The following NDP variants were observed in gnomAD, a reference collection of about 807,000 sequenced individuals.
NDP encodes the protein norrin cystine knot growth factor NDP.
NDP carries 2 observed loss-of-function variants against 8.4 expected under a neutral mutation model. That is an observed-to-expected ratio of 0.24 (90% CI 0.10 to 0.75). The LOEUF is 0.75. Among genes scored for constraint, NDP ranks in the 30% least tolerant of loss-of-function variants. The pLI is 0.73. For synonymous variants in NDP, 55 were observed against 45.6 expected (o/e 1.21, Z -0.83); for missense variants, 81 against 110.1 (o/e 0.74, Z 1.18).
Position 43,958,667 on chromosome X carries a change from TAGA to T in NDP, c.-25_-23del. 1 of 1,198,966 alleles carries T rather than the reference TAGA, an allele frequency of 8.3e-7. No homozygotes were observed. The highest frequency in any genetic ancestry group is 1.1e-6 in the Non-Finnish European group (1 of 884,137). ...TCATTGTTGTAAGGAAAAACTTCTC[TAGA>T]AGAACAGCAGAGGGAGGCAGAGGAC... On this transcript the variant is annotated 5_prime_UTR_variant, in exon 2 of 3. Transcript: ENST00000642620.
chrX:43,961,847 C>T (rs1023763482), intron 1 of NDP, among the ~76,000 whole-genome samples: 1 of 111,617 alleles, frequency 9.0e-6, no homozygotes, highest in Non-Finnish European at 1.9e-5. Flanking sequence ...AGGGCGACCA[C>T]ATAGTTCTTG....
At chrX:43,958,350 G>T in intron 2 of NDP, 122 bp downstream of exon 2, 3 of 871,603 alleles carry the variant, frequency 3.4e-6, no homozygotes, top group Admixed American at 2.3e-5. Context: ...CACAAGCCCT[G>T]TGGGCCAGCC....
At chrX:43,967,066 A>T (rs994649211) in intron 1 of NDP, among the ~76,000 whole-genome samples, 1 of 111,218 alleles carries the variant, frequency 9.0e-6, no homozygotes, top group African/African-American at 3.3e-5. Flanking sequence ...ACATAAAAAT[A>T]CGTGTCCCTA....
intron 1 of NDP, among the ~76,000 whole-genome samples, chrX:43,967,081 G>A (rs2035862068): frequency 9.0e-6 from 1 of 111,194 alleles, no homozygotes; most frequent in South Asian, 3.8e-4. Flanking sequence ...TCCCTATATT[G>A]CTGATAACCC....
At chrX:43,957,452 A>G (rs113804039) in intron 2 of NDP, among the ~76,000 whole-genome samples, 2,515 of 110,636 alleles carry the variant, frequency 0.023, 75 homozygotes, top group African/African-American at 0.077. Flanking sequence ...AAATGATTTA[A>G]CTCGAATTCT....
chrX:43,954,061 A>G (rs1462699273), intron 2 of NDP, among the ~76,000 whole-genome samples: 1 of 112,222 alleles, frequency 8.9e-6, no homozygotes, highest in Non-Finnish European at 1.9e-5. Context: ...CATTTTTGCG[A>G]TTTTACTCCG....
At chrX:43,970,545 C>T (rs892325577) in intron 1 of NDP, among the ~76,000 whole-genome samples, 5 of 110,919 alleles carry the variant, frequency 4.5e-5, no homozygotes, top group African/African-American at 1.3e-4. Flanking sequence ...AACCTAAACA[C>T]GTGATAAAAC....
rs1043950891 is a variant in NDP, at chrX:43,971,142, A to T, written c.-208+2162T>A. Among the ~76,000 whole-genome samples, 9 of 112,464 alleles carry T rather than the reference A, an allele frequency of 8.0e-5. No individual in the cohort carries two copies. In the Admixed American group the frequency reaches 8.5e-4, roughly 11 times the overall value. On this transcript the variant is annotated intron_variant, in intron 1 of 2. Transcript: ENST00000642620. ...TTTCAGTTCCAAAATCTAACTAGAGATGGCATATGGACTGAGAATTAGAGT... is the reference window on the plus strand; with the variant it reads ...TTTCAGTTCCAAAATCTAACTAGAGTTGGCATATGGACTGAGAATTAGAGT...
At chrX:43,968,579 G>A (rs998681548) in intron 1 of NDP, among the ~76,000 whole-genome samples, 11 of 112,540 alleles carry the variant, frequency 9.8e-5, no homozygotes, top group South Asian at 3.7e-4. Context: ...CCTGATGGGC[G>A]AGGAGTGGAT....
At chrX:43,966,882 C>A (rs1269110037) in intron 1 of NDP, among the ~76,000 whole-genome samples, 2 of 111,680 alleles carry the variant, frequency 1.8e-5, no homozygotes, top group East Asian at 5.6e-4. Flanking sequence ...AGCTGTAGAG[C>A]CCTTAGTTAG....
Position 43,955,740 on chromosome X carries a change from G to C in NDP, c.174+2732C>G, listed in dbSNP as rs889401205. ...CCTCTTTGGTGGGCCACTGTGGCCA[G>C]TCTTTTCTGCCTGACTCCCTCTCAG... On this transcript the variant is annotated intron_variant, in intron 2 of 2. Transcript: ENST00000642620. Among the ~76,000 whole-genome samples, 4 of 112,355 alleles carry C rather than the reference G, an allele frequency of 3.6e-5. No homozygotes were observed. In the East Asian group the frequency reaches 1.1e-3, roughly 31 times the overall value.
chrX:43,953,018 C>A (rs1396936385), intron 2 of NDP, among the ~76,000 whole-genome samples: 1 of 110,762 alleles, frequency 9.0e-6, no homozygotes, highest in East Asian at 2.8e-4. Flanking sequence ...GTCCTTTCCA[C>A]CTTGCTCTGC....
At chrX:43,962,868 G>C (rs771542125) in intron 1 of NDP, among the ~76,000 whole-genome samples, 32 of 112,048 alleles carry the variant, frequency 2.9e-4, no homozygotes, top group Non-Finnish European at 5.1e-4. Context: ...AACAACTGGT[G>C]CCCAGATTTC....
At chrX:43,963,845 A>G (rs191834456) in intron 1 of NDP, among the ~76,000 whole-genome samples, 7 of 112,750 alleles carry the variant, frequency 6.2e-5, no homozygotes, top group African/African-American at 9.7e-5. Context: ...TGTGCGTTCA[A>G]TGAATGGTTT....
chrX:43,965,127 G>C (rs1349963790), intron 1 of NDP, among the ~76,000 whole-genome samples: 1 of 112,061 alleles, frequency 8.9e-6, no homozygotes. Context: ...TTAATCATAG[G>C]AAGTGGGCCA....
At chrX:43,968,342 G>C (rs1389960342) in intron 1 of NDP, among the ~76,000 whole-genome samples, 1 of 112,344 alleles carries the variant, frequency 8.9e-6, no homozygotes, top group Non-Finnish European at 1.9e-5. Flanking sequence ...AAAAAGCTTT[G>C]CAGATGCAAG....
Position 43,963,262 on chromosome X carries a change from G to C in NDP, c.-207-4410C>G, listed in dbSNP as rs767516388. On this transcript the variant is annotated intron_variant, in intron 1 of 2. Transcript: ENST00000642620. ...CTAGCAGATAAGAGATAGGGTCAGGGGAAAAATATAGTTCCTATCCTCGAT... is the reference window on the plus strand; with the variant it reads ...CTAGCAGATAAGAGATAGGGTCAGGCGAAAAATATAGTTCCTATCCTCGAT... Among the ~76,000 whole-genome samples, 29 of 111,819 alleles carry C rather than the reference G, an allele frequency of 2.6e-4. 1 individual carries two copies. The highest frequency in any genetic ancestry group is 4.9e-4 in the Non-Finnish European group (26 of 53,169).
At chrX:43,968,946 C>T (rs952956272) in intron 1 of NDP, among the ~76,000 whole-genome samples, 6 of 111,581 alleles carry the variant, frequency 5.4e-5, no homozygotes, top group South Asian at 3.8e-4. Context: ...TTGAAAAAGA[C>T]GACCAAAGCC....
At chrX:43,957,088 T>C (rs754598382) in intron 2 of NDP, among the ~76,000 whole-genome samples, 124 of 112,026 alleles carry the variant, frequency 1.1e-3, no homozygotes, top group African/African-American at 4.0e-3. Flanking sequence ...ATCACGATTA[T>C]GGAGGACAAC....
Sources: gnomAD v4.1 joint callset for allele counts (sites outside exome capture counted in the v4.1 genomes callset) on GRCh38, gnomAD v4.1.1 for gene constraint, MANE v1.5 for transcripts, NCBI Gene and HGNC (gene_info 2026-07-23, HGNC 2026-07-21) for gene names.